The following ZNF326 variants were observed in gnomAD, a reference collection of about 807,000 sequenced individuals.
The protein encoded by ZNF326 is DBIRD complex subunit ZNF326.
Under a neutral mutation model 63.1 loss-of-function variants are expected in ZNF326, and 30 were observed. That is an observed-to-expected ratio of 0.48 (90% CI 0.36 to 0.64). The LOEUF is 0.64. Among genes scored for constraint, ZNF326 ranks in the 30% least tolerant of loss-of-function variants. ZNF326 has a pLI of 0.00. For synonymous variants in ZNF326, 194 were observed against 228.2 expected (o/e 0.85, Z 1.35); for missense variants, 609 against 720.3 (o/e 0.85, Z 1.77).
At chr1:90,002,830 G>A (rs1488521359) in intron 2 of ZNF326, among the ~76,000 whole-genome samples, 1 of 152,068 alleles carries the variant, frequency 6.6e-6, no homozygotes, top group Non-Finnish European at 1.5e-5. Flanking sequence ...CACTTTGAAT[G>A]GATCTTTTTT....
chr1:90,018,062 A>C (rs534675664), intron 8 of ZNF326, among the ~76,000 whole-genome samples: 1 of 152,230 alleles, frequency 6.6e-6, no homozygotes, highest in South Asian at 2.1e-4. Context: ...GGGAGGCTGA[A>C]GCGGGTGGAT....
At position 90,010,270 on chromosome 1, in the gene ZNF326, C is replaced by T. The variant is rs558393714; in HGVS notation, c.798C>T (p.Ser266=). 6.2e-7 allele frequency: 1 copy of T among 1,613,404 alleles called. No individual in the cohort carries two copies. Among genetic ancestry groups the T allele is most frequent in the African/African-American group, 1.3e-5 (1 of 74,946 alleles). Residue 266 remains serine (S), a synonymous_variant, in exon 6 of 12, where the codon AGC becomes AGT. Transcript: ENST00000340281. ...TAGCAAAACCTATGGAGAAGATAAG[C>T]CTCAGCAAATCACCCAGTAAGTAAG... ...PKLAKPMEKI[S]LSKSPTKTDP...
At chr1:89,996,023 G>T (rs1570929024) in intron 1 of ZNF326, among the ~76,000 whole-genome samples, 1 of 151,588 alleles carries the variant, frequency 6.6e-6, no homozygotes, top group South Asian at 2.1e-4. Context: ...ACACAGCCTT[G>T]TAAGTGTTTG....
At chr1:90,021,035 T>G in intron 10 of ZNF326, 113 bp downstream of exon 10, 2 of 1,113,922 alleles carry the variant, frequency 1.8e-6, no homozygotes. Context: ...CAATCTCATA[T>G]GGAAATAACT....
At chr1:90,016,716 C>CA (rs112795830) in intron 7 of ZNF326, among the ~76,000 whole-genome samples, 1,140 of 104,588 alleles carry the variant, frequency 0.011, 10 homozygotes, top group African/African-American at 0.035. Flanking sequence ...GGCTCCATCT[C>CA]AAAAAAAAAA....
rs558957427 is a variant in ZNF326, at chr1:90,033,522, G to T, written c.*5821G>T. The T allele has an allele frequency of 6.6e-6, 1 of 152,072 alleles. No individual in the cohort carries two copies. The highest frequency in any genetic ancestry group is 2.1e-4 in the South Asian group (1 of 4,828). 9.4% of individuals were successfully genotyped at this position (152,072 alleles called of 1,614,324 possible). A position where few individuals can be genotyped will look rare whatever the true frequency, so the allele number is the denominator to read the frequency against. ...ATCTTCAAATATTTTAGAGGTTATT[G>T]TACTAATTTTAAAAATGCAAGTTGC... On this transcript the variant is annotated 3_prime_UTR_variant, in exon 12 of 12. Transcript: ENST00000340281.
At position 90,029,469 on chromosome 1, in the gene ZNF326, G is replaced by C. The variant is rs1340407117; in HGVS notation, c.*1768G>C. 1 of 152,034 alleles carries C rather than the reference G, an allele frequency of 6.6e-6. No individual in the cohort carries two copies. Among genetic ancestry groups the C allele is most frequent in the Non-Finnish European group, 1.5e-5 (1 of 68,006 alleles). The allele number at this position is 152,034 out of a possible 1,614,324, so 9.4% of individuals were successfully genotyped here. ...AGGCTTTTGAAAGCCGTTTTGCTTA[G>C]GAGTTCAAATTTTAAGGATAATAGG... is the stretch of plus-strand genomic sequence containing the variant. On this transcript the variant is annotated 3_prime_UTR_variant, in exon 12 of 12. Coordinates refer to ENST00000340281, the MANE Select transcript of ZNF326 (RefSeq NM_182976.4).
In ZNF326 at chr1:90,033,054, G is replaced by A. The variant is rs1158484693; in HGVS notation, c.*5353G>A. ...ACACAATTAAAATGCTAGGTTTCCT[G>A]TAATCGCAATCTTCAGGGAATTTTT... On this transcript the variant is annotated 3_prime_UTR_variant, in exon 12 of 12. Coordinates refer to ENST00000340281, the MANE Select transcript of ZNF326 (RefSeq NM_182976.4). 6.6e-6 allele frequency: 1 copy of A among 152,094 alleles called. No individual in the cohort carries two copies. Among genetic ancestry groups the A allele is most frequent in the East Asian group, 1.9e-4 (1 of 5,196 alleles). 9.4% of individuals were successfully genotyped at this position (152,094 alleles called of 1,614,324 possible). A position where few individuals can be genotyped will look rare whatever the true frequency, so the allele number is the denominator to read the frequency against.
At chr1:90,012,844 T>A (rs751395398) in intron 6 of ZNF326, among the ~76,000 whole-genome samples, 2 of 152,082 alleles carry the variant, frequency 1.3e-5, no homozygotes, top group Non-Finnish European at 1.5e-5. Context: ...AGAATAAGGA[T>A]AGGACAAATG....
Position 90,007,891 on chromosome 1 carries a change from A to G in ZNF326, c.615+141A>G, listed in dbSNP as rs1433175513. On this transcript the variant is annotated intron_variant, in intron 5 of 11. Coordinates refer to ENST00000340281, the MANE Select transcript of ZNF326 (RefSeq NM_182976.4). This position sits in a 1 kb window ranked among gnomAD's most constrained non-coding sequence, Gnocchi z 4.9. ...AAGCTGAGTCATAAACATAATTTTT[A>G]GGTTGACTGTAAAAGTTTTTCTAGC... The G allele has an allele frequency of 3.5e-6, 3 of 845,140 alleles. No individual in the cohort carries two copies. The highest frequency in any genetic ancestry group is 3.3e-5 in the East Asian group (1 of 30,464). The allele number at this position is 845,140 out of a possible 1,614,324, so 52.4% of individuals were successfully genotyped here. A position where few individuals can be genotyped will look rare whatever the true frequency, so the allele number is the denominator to read the frequency against.
At chr1:89,998,187 C>G (rs200310011) in intron 2 of ZNF326, 33 bp downstream of exon 2, 1 of 1,605,932 alleles carries the variant, frequency 6.2e-7, no homozygotes, top group Non-Finnish European at 8.5e-7. Flanking sequence ...TCTCTTCATG[C>G]GCATAAAAAT....
At chr1:90,014,062 C>CT (rs1247889280) in intron 7 of ZNF326, among the ~76,000 whole-genome samples, 1 of 147,168 alleles carries the variant, frequency 6.8e-6, no homozygotes, top group Non-Finnish European at 1.5e-5. Context: ...GAGACTCTGT[C>CT]TCAAAAAAAA....
chr1:90,008,403 C>T (rs1649088682), intron 5 of ZNF326, among the ~76,000 whole-genome samples: 1 of 152,148 alleles, frequency 6.6e-6, no homozygotes. Flanking sequence ...GAAATAATTT[C>T]CACCTGTACA....
chr1:90,006,462 A>C (rs1460845344), intron 4 of ZNF326: 12 of 985,262 alleles, frequency 1.2e-5, no homozygotes, highest in African/African-American at 1.7e-5. Context: ...TTTGTAATCC[A>C]TGCTTTGGGT....
chr1:90,027,488 G>A lies in ZNF326; in HGVS notation c.1536G>A (p.Val512=). The change falls in exon 12 of 12, where the codon GTG becomes GTA. Residue 512 remains valine (V), a synonymous_variant. Coordinates refer to ENST00000340281, the MANE Select transcript of ZNF326 (RefSeq NM_182976.4). The part of the protein sequence containing the change: ...DEDEEEEAEE[V]GEVEEVEEVE... ...ATGAGGAAGAAGAAGCAGAGGAAGT[G>A]GGGGAAGTAGAGGAAGTGGAAGAAG... 2.5e-6 allele frequency: 4 copies of A among 1,613,504 alleles called. No homozygotes were observed. The highest frequency in any genetic ancestry group is 3.4e-6 in the Non-Finnish European group (4 of 1,179,726).
intron 10 of ZNF326, among the ~76,000 whole-genome samples, chr1:90,021,502 A>G (rs950336528): frequency 6.6e-6 from 1 of 152,116 alleles, no homozygotes; most frequent in Admixed American, 6.5e-5. Context: ...TTAGTAGAAT[A>G]TCCCTGAAAA....
intron 6 of ZNF326, among the ~76,000 whole-genome samples, chr1:90,012,031 C>T (rs1649273122): frequency 6.6e-6 from 1 of 152,026 alleles, no homozygotes; most frequent in African/African-American, 2.4e-5. Context: ...GAGATGGTTT[C>T]GCCATGTTGG....
At chr1:90,021,410 T>C (rs1289743184) in intron 10 of ZNF326, among the ~76,000 whole-genome samples, 1 of 151,966 alleles carries the variant, frequency 6.6e-6, no homozygotes, top group African/African-American at 2.4e-5. Context: ...AAAGATTTGA[T>C]TATTACTGAT....
intron 11 of ZNF326, among the ~76,000 whole-genome samples, chr1:90,024,980 G>GTTTTTTTTTTTT (rs563668519): frequency 1.6e-5 from 2 of 128,516 alleles, no homozygotes; most frequent in Non-Finnish European, 3.2e-5. Context: ...TTTTTTTCCT[G>GTTTTTTTTTTTT]TTTTTTTTTT....
Sources: gnomAD v4.1 joint callset for allele counts (sites outside exome capture counted in the v4.1 genomes callset) on GRCh38, gnomAD v4.1.1 for gene constraint, Gnocchi (gnomAD v3.1) non-coding constraint, MANE v1.5 for transcripts, NCBI Gene and HGNC (gene_info 2026-07-23, HGNC 2026-07-21) for gene names.